The following SLC38A1 variants were observed in gnomAD, a reference collection of about 807,000 sequenced individuals.
SLC38A1 encodes the protein sodium-coupled neutral amino acid symporter 1.
In SLC38A1, 18 loss-of-function variants were observed where a neutral mutation model predicts 60.3. That is an observed-to-expected ratio of 0.30 (90% CI 0.21 to 0.44). SLC38A1 has a LOEUF of 0.44. Ranked by LOEUF, SLC38A1 falls within the 20% of genes least tolerant of loss-of-function variation. The probability of loss-of-function intolerance (pLI) is 1.00; values close to 1 mark genes in which losing one functional copy is unlikely to be tolerated. For synonymous variants in SLC38A1, 196 were observed against 212.1 expected (o/e 0.92, Z 0.66); for missense variants, 448 against 587.2 (o/e 0.76, Z 2.45).
chr12:46,229,607 C>T lies in SLC38A1; in HGVS notation c.155G>A (p.Ser52Asn), dbSNP rs746137491. The T allele has an allele frequency of 3.7e-6, 6 of 1,613,430 alleles. No individual in the cohort carries two copies. In the African/African-American group the frequency reaches 4.0e-5, roughly 11 times the overall value. Residue 52 changes from serine (S) to asparagine (N), a missense_variant, in exon 4 of 17, where the codon AGT becomes AAT. Around this residue, in one of 2 missense-constraint regions of SLC38A1, gnomAD observed 102 missense variants for 89.7 expected, o/e 1.14. Transcript: ENST00000398637. ...KFISDRESRR[S>N]LTNSHLEKKK... Reference sequence around the variant, plus strand: ...TTTTTCCAAATGGCTGTTTGTGAGACTTCTTCTACTTTCACGATCAGAAAT... The same window carrying T: ...TTTTTCCAAATGGCTGTTTGTGAGATTTCTTCTACTTTCACGATCAGAAAT...
At chr12:46,235,773 G>A (rs1363515170) in intron 3 of SLC38A1, among the ~76,000 whole-genome samples, 1 of 152,092 alleles carries the variant, frequency 6.6e-6, no homozygotes, top group East Asian at 1.9e-4. Context: ...GAGTTGCCTC[G>A]AATTCTTTTA....
chr12:46,256,613 G>GCACA (rs566800141), intron 1 of SLC38A1, among the ~76,000 whole-genome samples: 324 of 107,522 alleles, frequency 3.0e-3, no homozygotes, highest in Non-Finnish European at 5.1e-3. Context: ...GCGCGCGCGC[G>GCACA]CACACACACA....
chr12:46,194,220 C>T (rs535963706), intron 16 of SLC38A1, among the ~76,000 whole-genome samples: 3 of 152,200 alleles, frequency 2.0e-5, no homozygotes, highest in Admixed American at 6.5e-5. Flanking sequence ...TAGGAGATTC[C>T]GGGTTGAAAA....
intron 16 of SLC38A1, chr12:46,196,241 A>C: frequency 6.5e-7 from 1 of 1,536,090 alleles, no homozygotes; most frequent in East Asian, 2.4e-5. Flanking sequence ...CTGAGAGCCA[A>C]CAGGGCTGGA....
chr12:46,194,298 G>T (rs1416555600), intron 16 of SLC38A1, among the ~76,000 whole-genome samples: 3 of 152,212 alleles, frequency 2.0e-5, no homozygotes, highest in Non-Finnish European at 2.9e-5. Flanking sequence ...TCTGCAGAGA[G>T]ATCGGCTGTT....
At chr12:46,232,105 C>T (rs1420523861) in intron 3 of SLC38A1, among the ~76,000 whole-genome samples, 1 of 152,222 alleles carries the variant, frequency 6.6e-6, no homozygotes, top group African/African-American at 2.4e-5. Flanking sequence ...AATACACTTA[C>T]TACAAACTTA....
At chr12:46,231,303 G>C (rs1440681885) in intron 3 of SLC38A1, among the ~76,000 whole-genome samples, 1 of 152,162 alleles carries the variant, frequency 6.6e-6, no homozygotes, top group African/African-American at 2.4e-5. Context: ...GAAGGGGAAG[G>C]TGGGAGGGGG....
At chr12:46,222,819 T>C (rs527238677) in intron 5 of SLC38A1, among the ~76,000 whole-genome samples, 32 of 152,326 alleles carry the variant, frequency 2.1e-4, no homozygotes, top group African/African-American at 6.5e-4. Flanking sequence ...GAGAGGTTTA[T>C]TGGTTTCACA....
chr12:46,199,010 AGGAGTACACTG>A (rs1939517139), intron 13 of SLC38A1, among the ~76,000 whole-genome samples: 1 of 152,096 alleles, frequency 6.6e-6, no homozygotes, highest in South Asian at 2.1e-4. Flanking sequence ...AATTAAACCT[AGGAGTACACTG>A]GGCTCGAGAA....
rs1938986158 is a variant in SLC38A1, at chr12:46,187,773, T to C, written c.*1197A>G. 1 of 133,758 alleles carries C rather than the reference T, an allele frequency of 7.5e-6. No homozygotes were observed. The highest frequency in any genetic ancestry group is 2.7e-4 in the South Asian group (1 of 3,688). The allele number at this position is 133,758 out of a possible 1,614,324, so 8.3% of individuals were successfully genotyped here. A position where few individuals can be genotyped will look rare whatever the true frequency, so the allele number is the denominator to read the frequency against. ...TGTCAGAAGCTCTTCACAAAGACTATCTCTGAGGGTTTTTTTTTTTTTTTT... is the reference window on the plus strand; with the variant it reads ...TGTCAGAAGCTCTTCACAAAGACTACCTCTGAGGGTTTTTTTTTTTTTTTT... On this transcript the variant is annotated 3_prime_UTR_variant, in exon 17 of 17. Coordinates refer to ENST00000398637, the MANE Select transcript of SLC38A1 (RefSeq NM_030674.4).
chr12:46,205,927 T>G (rs913147449), intron 9 of SLC38A1, among the ~76,000 whole-genome samples, 153 bp downstream of exon 9: 2 of 152,074 alleles, frequency 1.3e-5, no homozygotes, highest in Non-Finnish European at 2.9e-5. Context: ...TATCCCATAT[T>G]AAAGTTGGGA....
At chr12:46,222,877 T>C (rs1033619689) in intron 5 of SLC38A1, among the ~76,000 whole-genome samples, 7 of 152,168 alleles carry the variant, frequency 4.6e-5, no homozygotes, top group Non-Finnish European at 7.3e-5. Context: ...GAACCTGACA[T>C]CCTCGGTCTA....
chr12:46,262,584 G>A (rs56759172), intron 1 of SLC38A1, among the ~76,000 whole-genome samples: 7 of 152,070 alleles, frequency 4.6e-5, no homozygotes, highest in African/African-American at 1.7e-4. Context: ...TATGTTTTTT[G>A]TTCTAAAGAT....
chr12:46,250,103 A>G (rs535700805), intron 1 of SLC38A1, among the ~76,000 whole-genome samples: 1 of 152,350 alleles, frequency 6.6e-6, no homozygotes, highest in Admixed American at 6.5e-5. Context: ...ATACTGGCAA[A>G]TAAAATCCAG....
intron 16 of SLC38A1, among the ~76,000 whole-genome samples, chr12:46,196,463 C>T (rs1012146995): frequency 6.6e-6 from 1 of 152,130 alleles, no homozygotes; most frequent in Non-Finnish European, 1.5e-5. Flanking sequence ...GGCAGCAGGC[C>T]TCCACCATTT....
At chr12:46,209,565 C>T (rs1183554789) in intron 5 of SLC38A1, among the ~76,000 whole-genome samples, 1 of 152,174 alleles carries the variant, frequency 6.6e-6, no homozygotes, top group African/African-American at 2.4e-5. Flanking sequence ...ACATTCCCAT[C>T]TCTGGATTCC....
intron 3 of SLC38A1, among the ~76,000 whole-genome samples, chr12:46,234,446 C>CTTTTTTTT (rs397791217): frequency 2.8e-5 from 4 of 140,688 alleles, no homozygotes; most frequent in African/African-American, 2.7e-5. Flanking sequence ...TTCTTTCTTT[C>CTTTTTTTT]TTTTTTTTTT....
intron 16 of SLC38A1, among the ~76,000 whole-genome samples, chr12:46,191,622 G>C (rs557146520): frequency 3.5e-4 from 54 of 152,260 alleles, no homozygotes; most frequent in African/African-American, 1.2e-3. Flanking sequence ...GCAGTGGTTT[G>C]TAGTTCTCCT....
At chr12:46,190,251 T>C (rs957910785) in intron 16 of SLC38A1, among the ~76,000 whole-genome samples, 2 of 152,202 alleles carry the variant, frequency 1.3e-5, no homozygotes, top group South Asian at 2.1e-4. Flanking sequence ...TCCATGTCCC[T>C]GCAAAGGACA....
Sources: gnomAD v4.1 joint callset for allele counts (sites outside exome capture counted in the v4.1 genomes callset) on GRCh38, gnomAD v4.1.1 for gene constraint, gnomAD v4.1.1 regional missense constraint, MANE v1.5 for transcripts, NCBI Gene and HGNC (gene_info 2026-07-23, HGNC 2026-07-21) for gene names.